Variants in ZHX2 observed in about 807,000 individuals in gnomAD.
ZHX2 encodes zinc fingers and homeoboxes protein 2.
Under a neutral mutation model 21.9 loss-of-function variants are expected in ZHX2, and 6 were observed. That is an observed-to-expected ratio of 0.27 (90% CI 0.15 to 0.54). The LOEUF is 0.54. Among genes scored for constraint, ZHX2 ranks in the 20% least tolerant of loss-of-function variants. The pLI is 0.95. For missense variants in ZHX2, 908 were observed against 1,090.7 expected (o/e 0.83, Z 2.36); for synonymous variants, 434 against 437.1 (o/e 0.99, Z 0.09).
intron 2 of ZHX2, among the ~76,000 whole-genome samples, chr8:122,907,867 A>G (rs1746658730): frequency 6.6e-6 from 1 of 152,200 alleles, no homozygotes; most frequent in African/African-American, 2.4e-5. Flanking sequence ...CACCAGGTTC[A>G]TGTTAGGCAC....
In ZHX2 at chr8:122,782,448, G is replaced by C. The variant is rs1399258421; in HGVS notation, c.-283+502G>C. On this transcript the variant is annotated intron_variant, in intron 1 of 3. Transcript: ENST00000314393. The surrounding 1 kb of genome is among the most constrained non-coding windows in gnomAD (Gnocchi z 5.3). Reference sequence around the variant, plus strand: ...GCAGGTCCCGCGGGGACTCCACCGGGACGTGGCCCCGTCTCCGCGCGTTTT... The same window carrying C: ...GCAGGTCCCGCGGGGACTCCACCGGCACGTGGCCCCGTCTCCGCGCGTTTT... 6.6e-6 allele frequency among the ~76,000 whole-genome samples: 1 copy of C among 152,162 alleles called. No individual in the cohort carries two copies. Among genetic ancestry groups the C allele is most frequent in the Non-Finnish European group, 1.5e-5 (1 of 68,022 alleles).
In ZHX2 at chr8:122,781,866, C is replaced by A. The variant is rs1817293576; in HGVS notation, c.-363C>A. ...GGAGTGGGGAGTGGGTGGGGGGAGC[C>A]AGCAGAGTTCCATTTTGGAACGCCC... On this transcript the variant is annotated 5_prime_UTR_variant, in exon 1 of 4. Coordinates refer to ENST00000314393, the MANE Select transcript of ZHX2 (RefSeq NM_014943.5). This position sits in a 1 kb window ranked among gnomAD's most constrained non-coding sequence, Gnocchi z 4.6. 1 of 152,318 alleles carries A rather than the reference C, an allele frequency of 6.6e-6. No homozygotes were observed. The highest frequency in any genetic ancestry group is 1.5e-5 in the Non-Finnish European group (1 of 68,046). The allele number at this position is 152,318 out of a possible 1,614,324, so 9.4% of individuals were successfully genotyped here. A position where few individuals can be genotyped will look rare whatever the true frequency, so the allele number is the denominator to read the frequency against.
At chr8:122,894,687 C>T (rs1820055995) in intron 2 of ZHX2, among the ~76,000 whole-genome samples, 1 of 151,962 alleles carries the variant, frequency 6.6e-6, no homozygotes, top group African/African-American at 2.4e-5. Context: ...AGGAGATATA[C>T]CTAATGTTAA....
chr8:122,902,867 G>A (rs1820263158), intron 2 of ZHX2, among the ~76,000 whole-genome samples: 1 of 152,198 alleles, frequency 6.6e-6, no homozygotes, highest in Non-Finnish European at 1.5e-5. Context: ...TCTGCCATGA[G>A]CCCAAACAGT....
At chr8:122,792,475 C>T (rs910715883) in intron 1 of ZHX2, among the ~76,000 whole-genome samples, 2 of 152,144 alleles carry the variant, frequency 1.3e-5, no homozygotes, top group South Asian at 2.1e-4. Context: ...TCATTTCTCT[C>T]GGGTAGATAC....
chr8:122,955,839 A>ATTTT (rs540333833), intron 3 of ZHX2, among the ~76,000 whole-genome samples: 58 of 104,894 alleles, frequency 5.5e-4, no homozygotes, highest in African/African-American at 1.9e-3. Context: ...TGAGGGAGTG[A>ATTTT]TTTTTTTTTT....
chr8:122,878,167 G>A (rs1819614468), intron 2 of ZHX2, among the ~76,000 whole-genome samples: 1 of 152,112 alleles, frequency 6.6e-6, no homozygotes, highest in Non-Finnish European at 1.5e-5. Context: ...CTTGAACAGT[G>A]TAGCAAAATA....
intron 2 of ZHX2, among the ~76,000 whole-genome samples, chr8:122,905,752 A>G (rs61322658): frequency 0.036 from 5,497 of 152,304 alleles, 327 homozygotes; most frequent in African/African-American, 0.13. Flanking sequence ...AGAATACAAT[A>G]TGTAGATGAT....
At chr8:122,910,728 C>A (rs905640882) in intron 2 of ZHX2, among the ~76,000 whole-genome samples, 2 of 151,772 alleles carry the variant, frequency 1.3e-5, no homozygotes, top group Non-Finnish European at 2.9e-5. Context: ...AGTGTGCAGG[C>A]CCCTGCTGGG....
chr8:122,793,753 G>T (rs767702720), intron 1 of ZHX2, among the ~76,000 whole-genome samples: 4 of 152,174 alleles, frequency 2.6e-5, no homozygotes, highest in Admixed American at 6.5e-5. Context: ...CGTAGATTCC[G>T]CACATGGCTC....
In ZHX2 at chr8:122,953,385, T is replaced by C. The variant is rs1813191400; in HGVS notation, c.1875T>C (p.Ser625=). The change falls in exon 3 of 4, where the codon TCT becomes TCC. Residue 625 remains serine, a synonymous_variant. Transcript: ENST00000314393. This position sits in a 1 kb window ranked among gnomAD's most constrained non-coding sequence, Gnocchi z 4.6. ...TCTCCGGTGCCCAGTTAACAAGTTC[T>C]CTGCCCAGCCCTTCGCCAGCAATTG... ...DQLSGAQLTS[S]LPSPSPAIAK... 6.2e-7 allele frequency: 1 copy of C among 1,614,156 alleles called. No individual in the cohort carries two copies. The highest frequency in any genetic ancestry group is 1.7e-5 in the Admixed American group (1 of 60,020).
intron 2 of ZHX2, among the ~76,000 whole-genome samples, chr8:122,871,728 C>CAAAAA (rs35881741): frequency 4.6e-5 from 5 of 107,960 alleles, no homozygotes; most frequent in African/African-American, 1.1e-4. Context: ...TTTCTCAGGG[C>CAAAAA]AAAAAAAAAA....
At chr8:122,804,650 A>G (rs1177146811) in intron 1 of ZHX2, among the ~76,000 whole-genome samples, 1 of 152,198 alleles carries the variant, frequency 6.6e-6, no homozygotes, top group Non-Finnish European at 1.5e-5. Context: ...GAAAAGACAC[A>G]AGAAAGGAGC....
intron 1 of ZHX2, among the ~76,000 whole-genome samples, chr8:122,791,315 C>A (rs1183524833): frequency 6.6e-6 from 1 of 152,176 alleles, no homozygotes; most frequent in African/African-American, 2.4e-5. Flanking sequence ...CGACACAGAT[C>A]TTTGGAATCC....
chr8:122,942,825 C>T (rs1812878997), intron 2 of ZHX2, among the ~76,000 whole-genome samples: 2 of 152,066 alleles, frequency 1.3e-5, no homozygotes, highest in Non-Finnish European at 2.9e-5. Context: ...GAAATGCCAC[C>T]ACCTGTCTCT....
At chr8:122,838,425 G>A (rs976214229) in intron 1 of ZHX2, among the ~76,000 whole-genome samples, 3 of 152,082 alleles carry the variant, frequency 2.0e-5, no homozygotes, top group Non-Finnish European at 2.9e-5. Context: ...CAGTCCCAGC[G>A]TGTTTATACA....
intron 2 of ZHX2, among the ~76,000 whole-genome samples, chr8:122,895,828 C>T (rs1820086157): frequency 6.6e-6 from 1 of 152,002 alleles, no homozygotes; most frequent in African/African-American, 2.4e-5. Context: ...TGCAAAAAAT[C>T]TCCCATTAGA....
intron 3 of ZHX2, among the ~76,000 whole-genome samples, chr8:122,957,605 C>G (rs1297577960): frequency 6.6e-6 from 1 of 152,246 alleles, no homozygotes; most frequent in East Asian, 1.9e-4. Context: ...GTAGCTGGAA[C>G]TACAGGCACG....
At chr8:122,933,656 T>TA (rs942149029) in intron 2 of ZHX2, among the ~76,000 whole-genome samples, 1 of 151,378 alleles carries the variant, frequency 6.6e-6, no homozygotes, top group Non-Finnish European at 1.5e-5. Flanking sequence ...CTTATTGCTT[T>TA]AAAAAAAAAT....
Sources: allele counts gnomAD v4.1 joint callset (sites outside exome capture counted in the v4.1 genomes callset), GRCh38; gene constraint gnomAD v4.1.1; non-coding constraint Gnocchi (gnomAD v3.1); transcripts MANE v1.5; gene names NCBI Gene and HGNC (gene_info 2026-07-23, HGNC 2026-07-21).